The following IRF2 variants were observed in gnomAD, a reference collection of about 807,000 sequenced individuals.
IRF2 encodes the protein interferon regulatory factor 2.
A neutral mutation model predicts 40.6 loss-of-function variants in IRF2; 15 were observed. That is an observed-to-expected ratio of 0.37 (90% confidence interval 0.25 to 0.57). The LOEUF (loss-of-function observed/expected upper bound fraction) is 0.57. Ranked by LOEUF, IRF2 falls within the 20% of genes least tolerant of loss-of-function variation. The probability of loss-of-function intolerance (pLI) is 0.77; values close to 1 mark genes in which losing one functional copy is unlikely to be tolerated. For missense variants in IRF2, 317 were observed against 455.7 expected, an observed-to-expected ratio of 0.70 and a Z score of 2.77; for synonymous variants, 151 against 165.5, an observed-to-expected ratio of 0.91 and a Z score of 0.67.
intron 7 of IRF2, among the ~76,000 whole-genome samples, chr4:184,398,642 C>T (rs915641970): frequency 1.0e-4 from 15 of 148,326 alleles, no homozygotes; most frequent in African/African-American, 3.8e-4. Context: ...GGAGACAGAG[C>T]GAGACTCTGT....
chr4:184,431,637 T>A (rs1737882485), intron 1 of IRF2, among the ~76,000 whole-genome samples: 1 of 151,916 alleles, frequency 6.6e-6, no homozygotes, highest in Non-Finnish European at 1.5e-5. Flanking sequence ...GGAAGAGTAG[T>A]TACAGGATAG....
rs1738608209 is a variant in IRF2 at position 184,448,801 on chromosome 4, GT to G, written c.-6-19732del. On this transcript the variant is annotated intron_variant, in intron 1 of 8. Transcript: ENST00000393593. The surrounding 1 kb of genome is among the most constrained non-coding windows in gnomAD (Gnocchi z 4.3). ...CCCCAAATCTGGCATTCCCAGAATA[GT>G]TTCATTTTCGATCATGACAACAGTT... is the stretch of plus-strand genomic sequence containing the variant. 1 of 152,212 alleles carries G rather than the reference GT, an allele frequency of 6.6e-6. No homozygotes were observed. Among genetic ancestry groups the G allele is most frequent in the Non-Finnish European group, 1.5e-5 (1 of 68,048 alleles). 9.4% of individuals were successfully genotyped at this position (152,212 alleles called of 1,614,324 possible). A position where few individuals can be genotyped will look rare whatever the true frequency, so the allele number is the denominator to read the frequency against.
At chr4:184,470,644 T>C (rs1034911976) in intron 1 of IRF2, among the ~76,000 whole-genome samples, 11 of 137,570 alleles carry the variant, frequency 8.0e-5, no homozygotes, top group African/African-American at 2.8e-4. Flanking sequence ...GAGCTGAAAG[T>C]GTGCCACTGT....
intron 8 of IRF2, among the ~76,000 whole-genome samples, chr4:184,389,724 C>T (rs1579783073): frequency 1.3e-5 from 2 of 152,212 alleles, no homozygotes; most frequent in East Asian, 1.9e-4. Context: ...CGGCTCGGCC[C>T]GATTATTCGA....
chr4:184,448,475 A>C lies in IRF2; in HGVS notation c.-6-19405T>G, dbSNP rs1474729637. On this transcript the variant is annotated intron_variant, in intron 1 of 8. Coordinates refer to ENST00000393593, the MANE Select transcript of IRF2 (RefSeq NM_002199.4). The surrounding 1 kb of genome is among the most constrained non-coding windows in gnomAD (Gnocchi z 4.3). Reference sequence around the variant, plus strand: ...AAATTGTTCAGTTGTGTAGAAGAGGAGAAATAAGACGGCCAAAGAGCTCTC... The same window carrying C: ...AAATTGTTCAGTTGTGTAGAAGAGGCGAAATAAGACGGCCAAAGAGCTCTC... Among the ~76,000 whole-genome samples, 1 of 152,172 alleles carries C rather than the reference A, an allele frequency of 6.6e-6. No homozygotes were observed. Among genetic ancestry groups the C allele is most frequent in the African/African-American group, 2.4e-5 (1 of 41,436 alleles).
intron 6 of IRF2, among the ~76,000 whole-genome samples, chr4:184,402,026 T>A (rs571746874): frequency 3.9e-5 from 6 of 152,274 alleles, no homozygotes; most frequent in Admixed American, 3.3e-4. Flanking sequence ...AACAGAGATT[T>A]ATGGAACACC....
chr4:184,433,739 C>T (rs147967954), intron 1 of IRF2, among the ~76,000 whole-genome samples: 247 of 152,294 alleles, frequency 1.6e-3, no homozygotes, highest in Non-Finnish European at 3.0e-3. Flanking sequence ...CATGAAGGCC[C>T]TTCTCCTTTG....
At chr4:184,445,114 C>T (rs1267144883) in intron 1 of IRF2, among the ~76,000 whole-genome samples, 2 of 152,222 alleles carry the variant, frequency 1.3e-5, no homozygotes, top group African/African-American at 4.8e-5. Flanking sequence ...TTCACTCACC[C>T]TTACAGAACT....
intron 1 of IRF2, among the ~76,000 whole-genome samples, chr4:184,465,296 G>A (rs181634881): frequency 2.0e-5 from 3 of 152,178 alleles, no homozygotes; most frequent in Non-Finnish European, 2.9e-5. Context: ...AGAAAGGCTC[G>A]AGAATGGCCC....
At chr4:184,421,121 G>C (rs1737466877) in intron 2 of IRF2, among the ~76,000 whole-genome samples, 1 of 152,152 alleles carries the variant, frequency 6.6e-6, no homozygotes, top group African/African-American at 2.4e-5. Flanking sequence ...ATGTCAGCAG[G>C]GAGTTTCCAC....
In IRF2 at chr4:184,423,153, C is replaced by T. The variant is rs74763321; in HGVS notation, c.88-3585G>A. Among the ~76,000 whole-genome samples the T allele has an allele frequency of 2.7e-3, 416 of 152,276 alleles. 1 individual carries two copies. The highest frequency in any genetic ancestry group is 9.3e-3 in the African/African-American group (388 of 41,552). On this transcript the variant is annotated intron_variant, in intron 2 of 8. Transcript: ENST00000393593. ...AAGTTGTGTGTTCCATGGGACATGA[C>T]GGTGTTGCTATGTGTGTGTAGACCC...
intron 5 of IRF2, among the ~76,000 whole-genome samples, chr4:184,410,341 A>T (rs1188023603): frequency 6.6e-6 from 1 of 152,200 alleles, no homozygotes; most frequent in Non-Finnish European, 1.5e-5. Flanking sequence ...ATAAGCACTC[A>T]CCATTACCAA....
intron 1 of IRF2, among the ~76,000 whole-genome samples, chr4:184,443,162 C>A (rs559182047): frequency 6.6e-6 from 1 of 152,206 alleles, no homozygotes; most frequent in African/African-American, 2.4e-5. Context: ...CTGACCTCAG[C>A]TGATCCACCC....
Position 184,408,148 on chromosome 4 carries a change from A to G in IRF2, c.529+10T>C. Reference sequence around the variant, plus strand: ...GTATGTATAAAAAATGAGACGTCAAAACAGTTTACCTATGATGTTCACCGT... The same window carrying G: ...GTATGTATAAAAAATGAGACGTCAAGACAGTTTACCTATGATGTTCACCGT... On this transcript the variant is annotated intron_variant, in intron 6 of 8. Transcript: ENST00000393593. The surrounding 1 kb of genome is among the most constrained non-coding windows in gnomAD (Gnocchi z 4.9). 6.5e-7 allele frequency: 1 copy of G among 1,534,450 alleles called. No individual in the cohort carries two copies. Among genetic ancestry groups the G allele is most frequent in the Non-Finnish European group, 9.0e-7 (1 of 1,108,958 alleles).
At chr4:184,396,515 C>G (rs935697704) in intron 7 of IRF2, among the ~76,000 whole-genome samples, 1 of 151,618 alleles carries the variant, frequency 6.6e-6, no homozygotes, top group African/African-American at 2.4e-5. Flanking sequence ...CTCAATGAAG[C>G]CTTGAACTCC....
At position 184,389,065 on chromosome 4, in the gene IRF2, C is replaced by G; in HGVS notation, c.743G>C (p.Gly248Ala). 1.2e-6 allele frequency: 2 copies of G among 1,613,698 alleles called. No individual in the cohort carries two copies. Among genetic ancestry groups the G allele is most frequent in the Admixed American group, 3.3e-5 (2 of 59,932 alleles). ...SVPSDEESAE[G>A]RPHWRKRNIE... ...ATTCCTCTTCCGCCAGTGTGGCCGC[C>G]CCTTTCAAGAAAGTAATTAAGATAT... The change falls in exon 9 of 9, where the codon GGG becomes GCG. Residue 248 changes from glycine (G) to alanine (A), a missense_variant and splice_region_variant. Around this residue, in one of 2 missense-constraint regions of IRF2, gnomAD observed 262 missense variants for 334.0 expected, o/e 0.78. Coordinates refer to ENST00000393593, the MANE Select transcript of IRF2 (RefSeq NM_002199.4).
At chr4:184,439,541 C>T (rs1251213145) in intron 1 of IRF2, among the ~76,000 whole-genome samples, 1 of 151,850 alleles carries the variant, frequency 6.6e-6, no homozygotes, top group Non-Finnish European at 1.5e-5. Context: ...AAACAGGAGG[C>T]CAGTGGTGAA....
chr4:184,464,046 T>C (rs1016425908), intron 1 of IRF2, among the ~76,000 whole-genome samples: 21 of 152,158 alleles, frequency 1.4e-4, no homozygotes, highest in Non-Finnish European at 3.1e-4. Flanking sequence ...AGGGACCGTT[T>C]ATGACATGAA....
At chr4:184,458,874 A>AT (rs1284874132) in intron 1 of IRF2, among the ~76,000 whole-genome samples, 2 of 152,252 alleles carry the variant, frequency 1.3e-5, no homozygotes, top group Non-Finnish European at 2.9e-5. Flanking sequence ...TCTTGTAAGA[A>AT]CAAATGAATG....
Sources: gnomAD v4.1 joint callset for allele counts (sites outside exome capture counted in the v4.1 genomes callset) on GRCh38, gnomAD v4.1.1 for gene constraint, gnomAD v4.1.1 regional missense constraint, Gnocchi (gnomAD v3.1) non-coding constraint, MANE v1.5 for transcripts, NCBI Gene and HGNC (gene_info 2026-07-23, HGNC 2026-07-21) for gene names.